The following SLC4A10 variants were observed in gnomAD, a reference collection of about 807,000 sequenced individuals.
The protein encoded by SLC4A10 is sodium-driven chloride bicarbonate exchanger.
In SLC4A10, 42 loss-of-function variants were observed where a neutral mutation model predicts 137.7. The observed-to-expected ratio is 0.30, with a 90% CI of 0.24 to 0.39. SLC4A10 has a LOEUF of 0.39. SLC4A10 is among the 10% of genes least tolerant of loss of function. The pLI is 1.00. For synonymous variants in SLC4A10, 474 were observed against 464.1 expected, an observed-to-expected ratio of 1.02 and a Z score of -0.27; for missense variants, 925 against 1,355.0, an observed-to-expected ratio of 0.68 and a Z score of 4.98.
chr2:161,961,347 C>T (rs1251705642), intron 21 of SLC4A10, among the ~76,000 whole-genome samples: 2 of 152,134 alleles, frequency 1.3e-5, no homozygotes, highest in Admixed American at 1.3e-4. Flanking sequence ...GTATGACTGA[C>T]TCTTCATCCT....
chr2:161,779,732 TA>T (rs2052793716), intron 2 of SLC4A10, among the ~76,000 whole-genome samples: 5 of 152,034 alleles, frequency 3.3e-5, no homozygotes, highest in Admixed American at 3.3e-4. Context: ...TAGCAAACAA[TA>T]GCCTATTGGC....
intron 23 of SLC4A10, among the ~76,000 whole-genome samples, chr2:161,970,961 T>C (rs1226033442): frequency 6.6e-6 from 1 of 152,246 alleles, no homozygotes; most frequent in East Asian, 1.9e-4. Context: ...TTATTCCTCA[T>C]TTTATGGTTG....
At chr2:161,721,720 G>A (rs2045699088) in intron 1 of SLC4A10, among the ~76,000 whole-genome samples, 1 of 152,120 alleles carries the variant, frequency 6.6e-6, no homozygotes. Flanking sequence ...TCCTGAATTT[G>A]AATGTTGGCC....
In SLC4A10 at chr2:161,839,876, A is replaced by G. The variant is rs771054985; in HGVS notation, c.365A>G (p.Asp122Gly). The change falls in exon 4 of 27, where the codon GAT (aspartate) becomes GGT (glycine). Residue 122 changes from aspartate (D) to glycine (G), a missense_variant. By Grantham distance (94) the Asp-to-Gly change is moderately conservative. Around this residue, in one of 11 missense-constraint regions of SLC4A10, gnomAD observed 138 missense variants for 171.3 expected, o/e 0.81. Coordinates refer to ENST00000446997, the MANE Select transcript of SLC4A10 (RefSeq NM_001178015.2). ...CCTCATGACCTTTTCACAGAACTGG[A>G]TGAGATTTGTTGGCGTGAAGGTGAG... Reference protein sequence around the residue: ...HIPHDLFTELDEICWREGEDA... With the variant: ...HIPHDLFTELGEICWREGEDA... The G allele has an allele frequency of 3.1e-6, 5 of 1,613,800 alleles. No homozygotes were observed. In the African/African-American group the frequency reaches 4.0e-5, roughly 13 times the overall value.
intron 1 of SLC4A10, among the ~76,000 whole-genome samples, chr2:161,720,150 G>A (rs1489036561): frequency 6.6e-6 from 1 of 152,140 alleles, no homozygotes; most frequent in Non-Finnish European, 1.5e-5. Flanking sequence ...ATTAAATAGG[G>A]AATCCTTTCC....
At chr2:161,961,654 A>G (rs1696750595) in intron 21 of SLC4A10, among the ~76,000 whole-genome samples, 1 of 151,850 alleles carries the variant, frequency 6.6e-6, no homozygotes, top group Non-Finnish European at 1.5e-5. Context: ...ACAGCAGCAG[A>G]GTTTAAGAAA....
At chr2:161,636,488 G>A (rs938976928) in intron 1 of SLC4A10, among the ~76,000 whole-genome samples, 9 of 152,068 alleles carry the variant, frequency 5.9e-5, no homozygotes, top group Non-Finnish European at 5.9e-5. Context: ...TCCAACTCCT[G>A]GGTTTAAGCA....
Position 161,802,209 on chromosome 2 carries a change from T to C in SLC4A10, c.131-2240T>C, listed in dbSNP as rs535334330. 8.5e-4 allele frequency among the ~76,000 whole-genome samples: 129 copies of C among 152,202 alleles called. No individual in the cohort carries two copies. The South Asian group carries it at 0.012, about 14-fold the overall frequency. ...CTTTCGGTTTGCCAGAGGATTAATC[T>C]ATAATTATTTTTAGGATTATAAAAG... On this transcript the variant is annotated intron_variant, in intron 2 of 26. Coordinates refer to ENST00000446997, the MANE Select transcript of SLC4A10 (RefSeq NM_001178015.2).
intron 1 of SLC4A10, among the ~76,000 whole-genome samples, chr2:161,699,167 C>G (rs999888972): frequency 6.6e-6 from 1 of 152,016 alleles, no homozygotes; most frequent in Admixed American, 6.6e-5. Flanking sequence ...CTACAGGTGC[C>G]GCCACCATGC....
chr2:161,914,791 C>T (rs1373247851), intron 15 of SLC4A10, among the ~76,000 whole-genome samples: 2 of 152,072 alleles, frequency 1.3e-5, no homozygotes, highest in African/African-American at 4.8e-5. Flanking sequence ...ACCCTCAGTA[C>T]CTCAGAATGT....
intron 1 of SLC4A10, among the ~76,000 whole-genome samples, chr2:161,699,289 G>C (rs1324692102): frequency 6.6e-6 from 1 of 152,080 alleles, no homozygotes; most frequent in Non-Finnish European, 1.5e-5. Context: ...CAAAGTGCTG[G>C]GATTACAGGC....
At chr2:161,756,596 G>A (rs759011971) in intron 1 of SLC4A10, among the ~76,000 whole-genome samples, 3 of 152,126 alleles carry the variant, frequency 2.0e-5, no homozygotes, top group Non-Finnish European at 4.4e-5. Context: ...CACAATTTGG[G>A]CCACCTAATC....
intron 1 of SLC4A10, among the ~76,000 whole-genome samples, chr2:161,695,445 A>G (rs1414029481): frequency 1.3e-5 from 2 of 152,210 alleles, no homozygotes; most frequent in South Asian, 4.1e-4. Context: ...TTCATCCTTC[A>G]GGAGGTACGA....
chr2:161,968,441 C>A (rs1241116222), intron 23 of SLC4A10, among the ~76,000 whole-genome samples: 1 of 152,284 alleles, frequency 6.6e-6, no homozygotes, highest in Non-Finnish European at 1.5e-5. Context: ...CTAAATAGCA[C>A]TAAATTTCCT....
In SLC4A10 at chr2:161,783,750, A is replaced by G. The variant is rs527917425; in HGVS notation, c.130+12696A>G. Among the ~76,000 whole-genome samples, 266 of 151,874 alleles carry G rather than the reference A, an allele frequency of 1.8e-3. 1 individual carries two copies. The highest frequency in any genetic ancestry group is 6.0e-3 in the African/African-American group (250 of 41,508). Reference sequence around the variant, plus strand: ...TATTATATAAACCCCATGGTATCTAATGAGAAAATACCTATAGAAAGGTAT... The same window carrying G: ...TATTATATAAACCCCATGGTATCTAGTGAGAAAATACCTATAGAAAGGTAT... On this transcript the variant is annotated intron_variant, in intron 2 of 26. Transcript: ENST00000446997.
At chr2:161,931,398 A>G (rs1168699937) in intron 15 of SLC4A10, 1 of 152,330 alleles carries the variant, frequency 6.6e-6, no homozygotes, top group Non-Finnish European at 1.5e-5. Flanking sequence ...TTCTGGAGTT[A>G]CTTGGTACCT....
chr2:161,625,679 A>T (rs539639850), intron 1 of SLC4A10, among the ~76,000 whole-genome samples: 4 of 152,220 alleles, frequency 2.6e-5, no homozygotes, highest in Middle Eastern at 3.4e-3. Flanking sequence ...CAGTATTTTC[A>T]GGGCCTTACC....
chr2:161,716,803 T>A (rs1013870076), intron 1 of SLC4A10, among the ~76,000 whole-genome samples: 2 of 152,144 alleles, frequency 1.3e-5, no homozygotes, highest in Non-Finnish European at 2.9e-5. Flanking sequence ...CTTTTCTGGT[T>A]CCATATGAAT....
chr2:161,647,645 A>G (rs777421958), intron 1 of SLC4A10, among the ~76,000 whole-genome samples: 5 of 152,178 alleles, frequency 3.3e-5, no homozygotes, highest in Admixed American at 6.5e-5. Context: ...TTCTTAGAGA[A>G]AAAAGGGAAA....
Sources: gnomAD v4.1 joint callset for allele counts (sites outside exome capture counted in the v4.1 genomes callset) on GRCh38, gnomAD v4.1.1 for gene constraint, gnomAD v4.1.1 regional missense constraint, MANE v1.5 for transcripts, NCBI Gene and HGNC (gene_info 2026-07-23, HGNC 2026-07-21) for gene names.